The following TELO2 variants were observed in gnomAD, a reference collection of about 807,000 sequenced individuals.
The protein encoded by TELO2 is telomere maintenance 2.
In TELO2, 71 loss-of-function variants were observed where a neutral mutation model predicts 91.0. The observed-to-expected ratio is 0.78, with a 90% confidence interval of 0.64 to 0.95. The LOEUF is 0.95. Among genes scored for constraint, TELO2 ranks in the 40% least tolerant of loss-of-function variants. The pLI is 0.00. For missense variants in TELO2, 1,183 were observed against 1,141.3 expected, an observed-to-expected ratio of 1.04 and a Z score of -0.53; for synonymous variants, 584 against 518.9, an observed-to-expected ratio of 1.13 and a Z score of -1.71.
rs761106615 is a variant in TELO2 at position 1,506,998 on chromosome 16, G to A, written c.2173G>A (p.Gly725Arg). ...CTTGGGAGAAGACCAGCTGGTTCTCGGAAGGCTGGCGCACACCTTAGGGGC... is the reference window on the plus strand; with the variant it reads ...CTTGGGAGAAGACCAGCTGGTTCTCAGAAGGCTGGCGCACACCTTAGGGGC... ...DLLGEDQLVL[G>R]RLAHTLGALM... is the part of the protein sequence containing the mutation. The change falls in exon 18 of 21, where the codon GGA becomes AGA. Residue 725 changes from glycine (G) to arginine (R), a missense_variant. Coordinates refer to ENST00000262319, the MANE Select transcript of TELO2 (RefSeq NM_016111.4). The A allele has an allele frequency of 6.2e-7, 1 of 1,612,214 alleles. No individual in the cohort carries two copies. Among genetic ancestry groups the A allele is most frequent in the Admixed American group, 1.7e-5 (1 of 59,862 alleles).
chr16:1,504,639 G>C (rs1265635817), intron 15 of TELO2, among the ~76,000 whole-genome samples: 2 of 131,402 alleles, frequency 1.5e-5, no homozygotes, highest in East Asian at 2.5e-4. Flanking sequence ...CTCACTGCAA[G>C]CTCCCCCTCC....
chr16:1,501,283 CT>C, intron 9 of TELO2, 136 bp from the exon 10 acceptor site: 1 of 881,964 alleles, frequency 1.1e-6, no homozygotes, highest in Non-Finnish European at 1.7e-6. Context: ...AAAAAGACAC[CT>C]GGCTATCCAG....
At chr16:1,503,553 G>C (rs1035760967) in intron 15 of TELO2, among the ~76,000 whole-genome samples, 3 of 152,200 alleles carry the variant, frequency 2.0e-5, no homozygotes, top group African/African-American at 7.2e-5. Flanking sequence ...CTGTCTCAAA[G>C]ATAATTCGAC....
At chr16:1,503,115 TC>T in intron 15 of TELO2, 113 bp downstream of exon 15, 1 of 1,174,828 alleles carries the variant, frequency 8.5e-7, no homozygotes, top group South Asian at 1.3e-5. Context: ...TGCAGGCCTG[TC>T]CACTGCCTTC....
At chr16:1,509,777 G>A in intron 20 of TELO2, 53 bp from the exon 21 acceptor site, 1 of 1,510,770 alleles carries the variant, frequency 6.6e-7, no homozygotes, top group Non-Finnish European at 9.0e-7. Context: ...CAGGAGGAGG[G>A]AGAATACGCC....
chr16:1,499,372 C>T (rs765276863), intron 6 of TELO2, 39 bp downstream of exon 6: 1 of 1,603,030 alleles, frequency 6.2e-7, no homozygotes, highest in Non-Finnish European at 8.5e-7. Context: ...CTGGCTGCCC[C>T]ATCACAGCAA....
At chr16:1,506,361 G>A (rs1452301804) in intron 17 of TELO2, 32 bp downstream of exon 17, 6 of 1,613,552 alleles carry the variant, frequency 3.7e-6, no homozygotes, top group Non-Finnish European at 4.2e-6. Flanking sequence ...CTGTGGACTT[G>A]GGGGACAGGG....
chr16:1,496,941 G>T, intron 3 of TELO2, 95 bp from the exon 4 acceptor site: 7 of 1,251,726 alleles, frequency 5.6e-6, no homozygotes, highest in African/African-American at 1.5e-5. Flanking sequence ...GCTGTCGGTT[G>T]GAGTCCGCCT....
rs755341011 is a variant in TELO2, at chr16:1,500,505, G to T, written c.1144+17G>T. 4 of 1,609,460 alleles carry T rather than the reference G, an allele frequency of 2.5e-6. No individual in the cohort carries two copies. The Admixed American group carries it at 6.7e-5, about 27-fold the overall frequency. ...GCCGGGATGGTGAGCGGGTGGTTTG[G>T]GCTCCCCCCGGCCTCGGGCGCCCCG... On this transcript the variant is annotated intron_variant, in intron 8 of 20. Coordinates refer to ENST00000262319, the MANE Select transcript of TELO2 (RefSeq NM_016111.4).
rs759623033 is a variant in TELO2, at chr16:1,505,601, G to C, written c.2034G>C (p.Lys678Asn). The change falls in exon 16 of 21, where the codon AAG becomes AAC. Residue 678 changes from lysine (K) to asparagine (N), a missense_variant and splice_region_variant. Transcript: ENST00000262319. This position sits in a 1 kb window ranked among gnomAD's most constrained non-coding sequence, Gnocchi z 4.3. ...GAAGCAAGACCCAGCGGCTCTCCAA[G>C]GTTAGTGGCGCCTGGTCAGCTCCTC... The part of the protein sequence containing the change: ...RIRSKTQRLS[K>N]GGPRQGPAGS... 2 of 1,610,760 alleles carry C rather than the reference G, an allele frequency of 1.2e-6. No homozygotes were observed. Among genetic ancestry groups the C allele is most frequent in the Non-Finnish European group, 1.7e-6 (2 of 1,179,232 alleles).
chr16:1,509,767 CAGG>C lies in TELO2; in HGVS notation c.2408-56_2408-54del, dbSNP rs2040065374. 4.1e-6 allele frequency: 6 copies of C among 1,464,318 alleles called. No individual in the cohort carries two copies. The South Asian group carries it at 4.9e-5, about 12-fold the overall frequency. The allele number at this position is 1,464,318 out of a possible 1,614,324, so 90.7% of individuals were successfully genotyped here. The stretch of plus-strand genomic sequence containing the variant: ...GGGGCTGGTTCAGGCAGACTGAAGA[CAGG>C]AGGAGGGAGAATACGCCCTCCACGC... On this transcript the variant is annotated intron_variant, in intron 20 of 20. Transcript: ENST00000262319.
intron 20 of TELO2, 95 bp downstream of exon 20, chr16:1,507,811 G>T (rs1845436428): frequency 1.1e-6 from 1 of 877,426 alleles, no homozygotes; most frequent in Non-Finnish European, 1.6e-6. Flanking sequence ...GTCGGCCCGG[G>T]GTGTGTGTGT....
Position 1,505,634 on chromosome 16 carries a change from T to TG in TELO2, c.2034+37dup. On this transcript the variant is annotated intron_variant, in intron 16 of 20. Coordinates refer to ENST00000262319, the MANE Select transcript of TELO2 (RefSeq NM_016111.4). This position sits in a 1 kb window ranked among gnomAD's most constrained non-coding sequence, Gnocchi z 4.3. ...GCGCCTGGTCAGCTCCTCACGGGCATGGGGACCGTGGGTGGGTGGGAAGGG... is the reference window on the plus strand; with the variant it reads ...GCGCCTGGTCAGCTCCTCACGGGCATGGGGGACCGTGGGTGGGTGGGAAGGG... 1 of 1,039,188 alleles carries TG rather than the reference T, an allele frequency of 9.6e-7. No individual in the cohort carries two copies. The highest frequency in any genetic ancestry group is 1.4e-6 in the Non-Finnish European group (1 of 701,388). The allele number at this position is 1,039,188 out of a possible 1,614,324, so 64.4% of individuals were successfully genotyped here.
chr16:1,503,770 C>T (rs1289641731), intron 15 of TELO2, among the ~76,000 whole-genome samples: 3 of 152,026 alleles, frequency 2.0e-5, no homozygotes, highest in East Asian at 3.8e-4. Context: ...AGAGTTCTGG[C>T]GAGGGCGGAG....
intron 20 of TELO2, 70 bp from the exon 21 acceptor site, chr16:1,509,760 C>T (rs1264399670): frequency 2.1e-6 from 3 of 1,440,698 alleles, no homozygotes; most frequent in Non-Finnish European, 2.8e-6. Flanking sequence ...TTCAGGCAGA[C>T]TGAAGACAGG....
intron 6 of TELO2, 121 bp from the exon 7 acceptor site, chr16:1,499,975 T>G: frequency 8.3e-7 from 1 of 1,202,466 alleles, no homozygotes; most frequent in Non-Finnish European, 1.1e-6. Context: ...GCCGCCCCCA[T>G]GCTTGTCCGT....
rs143422330 is a variant in TELO2 at position 1,505,569 on chromosome 16, C to A, written c.2002C>A (p.Arg668=). The A allele has an allele frequency of 6.4e-7, 1 of 1,568,108 alleles. No individual in the cohort carries two copies. Among genetic ancestry groups the A allele is most frequent in the South Asian group, 1.1e-5 (1 of 90,498 alleles). ...ASDWRVVVEE[R]IRSKTQRLSK... ...TGACTGGCGGGTGGTGGTGGAGGAG[C>A]GGATCAGAAGCAAGACCCAGCGGCT... is the stretch of plus-strand genomic sequence containing the variant. The change falls in exon 16 of 21, where the codon CGG becomes AGG. Residue 668 remains arginine (R), a synonymous_variant. Coordinates refer to ENST00000262319, the MANE Select transcript of TELO2 (RefSeq NM_016111.4). The surrounding 1 kb of genome is among the most constrained non-coding windows in gnomAD (Gnocchi z 4.3).
Position 1,497,347 on chromosome 16 carries a change from G to A in TELO2, c.683-14G>A, listed in dbSNP as rs745713426. ...GCAGCTCCCCAGGCTCAGGTCCTCC[G>A]TCTGTCCCCTCAGAGGAGATCCTGG... On this transcript the variant is annotated splice_polypyrimidine_tract_variant and intron_variant, in intron 4 of 20. Transcript: ENST00000262319. This position sits in a 1 kb window ranked among gnomAD's most constrained non-coding sequence, Gnocchi z 4.0. The A allele has an allele frequency of 1.4e-4, 210 of 1,535,308 alleles. No homozygotes were observed. Among genetic ancestry groups the A allele is most frequent in the Middle Eastern group, 2.1e-4 (1 of 4,872 alleles).
In TELO2 at chr16:1,501,793, A is replaced by T. The variant is rs1169781954; in HGVS notation, c.1472+20A>T. 1 of 1,600,618 alleles carries T rather than the reference A, an allele frequency of 6.2e-7. No individual in the cohort carries two copies. Among genetic ancestry groups the T allele is most frequent in the African/African-American group, 1.3e-5 (1 of 74,712 alleles). ...GGACAGGTAGGGGCTCTGCCACCCC[A>T]GTGGGCAGCGTGCAGGAGGCCGGGA... On this transcript the variant is annotated intron_variant, in intron 11 of 20. Transcript: ENST00000262319.
Sources: allele counts gnomAD v4.1 joint callset (sites outside exome capture counted in the v4.1 genomes callset), GRCh38; gene constraint gnomAD v4.1.1; non-coding constraint Gnocchi (gnomAD v3.1); transcripts MANE v1.5; gene names NCBI Gene and HGNC (gene_info 2026-07-23, HGNC 2026-07-21).